CPOX: variants seen among roughly 807,000 people sequenced by gnomAD.
The protein encoded by CPOX is coproporphyrinogen oxidase.
CPOX carries 24 observed loss-of-function variants against 48.9 expected under a neutral mutation model. That is an observed-to-expected ratio of 0.49 (90% CI 0.36 to 0.69). The LOEUF is 0.69. Among genes scored for constraint, CPOX ranks in the 30% least tolerant of loss-of-function variants. The pLI, the probability that CPOX is intolerant of heterozygous loss-of-function variation, is 0.00. For synonymous variants in CPOX, 249 were observed against 234.6 expected (o/e 1.06, Z -0.56); for missense variants, 549 against 597.3 (o/e 0.92, Z 0.84).
intron 5 of CPOX, among the ~76,000 whole-genome samples, chr3:98,582,497 T>C (rs1029630704): frequency 6.6e-6 from 1 of 151,594 alleles, no homozygotes; most frequent in Non-Finnish European, 1.5e-5. Context: ...TTTTTTCTTT[T>C]CTTTTTTTTT....
In CPOX at chr3:98,580,562, G is replaced by T; in HGVS notation, c.*121C>A. On this transcript the variant is annotated 3_prime_UTR_variant, in exon 7 of 7. Transcript: ENST00000647941. ...ATGTTATCATCTGCCCACGAGGTAG[G>T]GTGCAGAGTGGAGAAGACTAAGGCA... The T allele has an allele frequency of 6.4e-7, 1 of 1,551,366 alleles. No homozygotes were observed.
downstream of CPOX, among the ~76,000 whole-genome samples, chr3:98,576,726 C>T (rs1707166714): frequency 6.6e-6 from 1 of 152,134 alleles, no homozygotes; most frequent in Non-Finnish European, 1.5e-5. Context: ...TAATACAATA[C>T]ATCCTTGAAA....
At chr3:98,577,935 C>T (rs62266549), downstream of CPOX, among the ~76,000 whole-genome samples, 12,687 of 152,268 alleles carry the variant, frequency 0.083, 717 homozygotes, top group Middle Eastern at 0.13. Context: ...TACTCCTTAG[C>T]GTGCAGAAGC....
Position 98,585,490 on chromosome 3 carries a change from C to T in CPOX, c.1123G>A (p.Asp375Asn). Residue 375 changes from aspartate (D) to asparagine (N), a missense_variant, in exon 5 of 7, where the codon GAC (aspartate) becomes AAC (asparagine). Around this residue, in one of 2 missense-constraint regions of CPOX, gnomAD observed 213 missense variants for 279.1 expected, o/e 0.76. Transcript: ENST00000647941. ...YIPLVKKHCD[D>N]SFTPQEKLWQ... is the part of the protein sequence containing the mutation. ...AGCTTCTCCTGGGGGGTGAATGAGT[C>T]ATCACAGTGCTTTTTCACAAGGGGA... 4 of 1,614,072 alleles carry T rather than the reference C, an allele frequency of 2.5e-6. No individual in the cohort carries two copies. Among genetic ancestry groups the T allele is most frequent in the South Asian group, 1.1e-5 (1 of 91,048 alleles).
chr3:98,578,325 A>G (rs890718777), downstream of CPOX: 2 of 565,788 alleles, frequency 3.5e-6, no homozygotes, highest in East Asian at 2.9e-4. Context: ...ACAGCTTTAA[A>G]CACAACTAAA....
downstream of CPOX, among the ~76,000 whole-genome samples, chr3:98,577,081 C>T (rs1009359174): frequency 6.6e-5 from 10 of 151,760 alleles, no homozygotes; most frequent in Admixed American, 3.9e-4. Flanking sequence ...GAAGGATGAG[C>T]GGGCACATAA....
At position 98,593,109 on chromosome 3, in the gene CPOX, G is replaced by C; in HGVS notation, c.396C>G (p.Ala132=). 2 of 1,613,654 alleles carry C rather than the reference G, an allele frequency of 1.2e-6. No homozygotes were observed. The highest frequency in any genetic ancestry group is 1.7e-6 in the Non-Finnish European group (2 of 1,179,950). ...ELAHRCSSFM[A]PPVTDLGELR... is the part of the protein sequence containing the mutation. The stretch of plus-strand genomic sequence containing the variant: ...GCTCGCCCAGGTCGGTCACAGGCGG[G>C]GCCATGAAGCTGCTGCAGCGGTGGG... Residue 132 remains alanine, a synonymous_variant, in exon 1 of 7, where the codon GCC becomes GCG. Transcript: ENST00000647941.
Position 98,593,573 on chromosome 3 carries a change from C to G in CPOX, c.-69G>C. On this transcript the variant is annotated 5_prime_UTR_variant, in exon 1 of 7. Transcript: ENST00000647941. Reference sequence around the variant, plus strand: ...CTGCGTTTGAGCCCCCCACCCAGACCCCCGGAGTATTGAGCCGGCGAGCTG... The same window carrying G: ...CTGCGTTTGAGCCCCCCACCCAGACGCCCGGAGTATTGAGCCGGCGAGCTG... The G allele has an allele frequency of 6.9e-7, 1 of 1,447,788 alleles. No homozygotes were observed. The highest frequency in any genetic ancestry group is 9.2e-7 in the Non-Finnish European group (1 of 1,087,028). 89.7% of individuals were successfully genotyped at this position (1,447,788 alleles called of 1,614,324 possible).
intron 5 of CPOX, among the ~76,000 whole-genome samples, chr3:98,583,961 A>T (rs995176915): frequency 2.6e-5 from 4 of 152,184 alleles, no homozygotes; most frequent in African/African-American, 9.7e-5. Flanking sequence ...ATACCATAGA[A>T]AATTAATCTA....
chr3:98,574,162 C>G, the CPOX span, among the ~76,000 whole-genome samples: 1 of 152,218 alleles, frequency 6.6e-6, no homozygotes, highest in East Asian at 1.9e-4. Flanking sequence ...CACCTCAAAA[C>G]TGCTCTTCTC....
Position 98,593,519 on chromosome 3 carries a change from A to G in CPOX, c.-15T>C. 6.6e-7 allele frequency: 1 copy of G among 1,519,546 alleles called. No individual in the cohort carries two copies. Among genetic ancestry groups the G allele is most frequent in the Non-Finnish European group, 8.8e-7 (1 of 1,139,940 alleles). 94.1% of individuals were successfully genotyped at this position (1,519,546 alleles called of 1,614,324 possible). On this transcript the variant is annotated 5_prime_UTR_variant, in exon 1 of 7. Transcript: ENST00000647941. ...TGCAAGGCCATGTTCCCGCACTATC[A>G]CCTGGAGCAGTGCCTGCGTCCCAGA... is the stretch of plus-strand genomic sequence containing the variant.
At chr3:98,579,277 C>T (rs190427981), downstream of CPOX, among the ~76,000 whole-genome samples, 6 of 152,254 alleles carry the variant, frequency 3.9e-5, no homozygotes, top group African/African-American at 1.4e-4. Context: ...CAACAGGAGG[C>T]TATTAGTGAT....
rs557074694 is a variant in CPOX, at chr3:98,588,804, A to G, written c.862T>C (p.Leu288=). ...GGGCDLTPTY[L]NQEDAVHFHR... is the part of the protein sequence containing the mutation. The stretch of plus-strand genomic sequence containing the variant: ...AAATGGACAGCGTCTTCTTGATTCA[A>G]GTATGTTGGAGTGAGGTCACATCCA... The change falls in exon 4 of 7, where the codon TTG becomes CTG. Residue 288 remains leucine (L), a synonymous_variant. Transcript: ENST00000647941. 4 of 1,614,218 alleles carry G rather than the reference A, an allele frequency of 2.5e-6. No individual in the cohort carries two copies. In the South Asian group the frequency reaches 4.4e-5, roughly 18 times the overall value.
downstream of CPOX, among the ~76,000 whole-genome samples, chr3:98,576,688 A>G (rs1707166434): frequency 6.6e-6 from 1 of 152,230 alleles, no homozygotes; most frequent in Admixed American, 6.5e-5. Context: ...TGAGATTTCA[A>G]ATACATAATT....
intron 3 of CPOX, among the ~76,000 whole-genome samples, chr3:98,589,988 C>T (rs1264793466): frequency 2.6e-5 from 4 of 152,186 alleles, no homozygotes; most frequent in East Asian, 1.9e-4. Context: ...AAAGCAAGTT[C>T]TCAATTTCAA....
At chr3:98,592,859 A>G in intron 1 of CPOX, 90 bp downstream of exon 1, 2 of 1,392,400 alleles carry the variant, frequency 1.4e-6, no homozygotes, top group Non-Finnish European at 2.0e-6. Context: ...ACCCCATCCC[A>G]TATTGTGAAC....
downstream of CPOX, among the ~76,000 whole-genome samples, chr3:98,577,134 A>C (rs533208574): frequency 1.3e-5 from 2 of 152,188 alleles, no homozygotes; most frequent in Admixed American, 6.5e-5. Flanking sequence ...AAAAGGCCAG[A>C]GGGGATATAA....
chr3:98,590,595 G>A (rs1243642642), intron 3 of CPOX, 37 bp downstream of exon 3: 3 of 1,371,558 alleles, frequency 2.2e-6, no homozygotes, highest in Non-Finnish European at 3.1e-6. Context: ...TGCACATTTT[G>A]CACGACAGTA....
At chr3:98,574,239 A>C in the CPOX span, among the ~76,000 whole-genome samples, 1 of 152,176 alleles carries the variant, frequency 6.6e-6, no homozygotes, top group Non-Finnish European at 1.5e-5. Flanking sequence ...CTCCAAGCTT[A>C]ATGACATATA....
Sources: gnomAD v4.1 joint callset for allele counts (sites outside exome capture counted in the v4.1 genomes callset) on GRCh38, gnomAD v4.1.1 for gene constraint, gnomAD v4.1.1 regional missense constraint, MANE v1.5 for transcripts, NCBI Gene and HGNC (gene_info 2026-07-23, HGNC 2026-07-21) for gene names.